ENAH: variants seen among roughly 807,000 people sequenced by gnomAD.
The protein encoded by ENAH is protein enabled homolog.
A neutral mutation model predicts 78.7 loss-of-function variants in ENAH; 23 were observed. That is an observed-to-expected ratio of 0.29 (90% CI 0.21 to 0.41). The LOEUF (loss-of-function observed/expected upper bound fraction) is 0.41. ENAH is among the 10% of genes least tolerant of loss of function. The pLI, the probability that ENAH is intolerant of heterozygous loss-of-function variation, is 1.00. For synonymous variants in ENAH, 226 were observed against 241.0 expected, an observed-to-expected ratio of 0.94 and a Z score of 0.58; for missense variants, 544 against 691.0, an observed-to-expected ratio of 0.79 and a Z score of 2.39.
chr1:225,538,823 C>G (rs1314383351), intron 3 of ENAH, among the ~76,000 whole-genome samples: 1 of 152,160 alleles, frequency 6.6e-6, no homozygotes, highest in East Asian at 1.9e-4. Flanking sequence ...GGCCCTGCCT[C>G]TAGCTAAAGA....
intron 1 of ENAH, among the ~76,000 whole-genome samples, chr1:225,585,337 A>C (rs2096840862): frequency 6.6e-6 from 1 of 152,128 alleles, no homozygotes; most frequent in East Asian, 1.9e-4. Context: ...GAAGTACACA[A>C]AAAAATTTGC....
chr1:225,517,631 A>G (rs1387830839), intron 5 of ENAH: 2 of 1,550,692 alleles, frequency 1.3e-6, no homozygotes, highest in East Asian at 2.4e-5. Context: ...GGGAGGGGCG[A>G]AAAATTGGAA....
At chr1:225,601,391 G>GC (rs1389154482) in intron 1 of ENAH, among the ~76,000 whole-genome samples, 1 of 152,088 alleles carries the variant, frequency 6.6e-6, no homozygotes, top group South Asian at 2.1e-4. Flanking sequence ...GGTGGCGGAC[G>GC]CATGTAGTCC....
At chr1:225,651,602 A>C (rs762787988) in intron 1 of ENAH, among the ~76,000 whole-genome samples, 6 of 152,216 alleles carry the variant, frequency 3.9e-5, no homozygotes, top group Admixed American at 2.0e-4. Flanking sequence ...CTGTAAGACT[A>C]TCTCTTCCAG....
intron 1 of ENAH, among the ~76,000 whole-genome samples, chr1:225,644,835 T>C (rs1661658043): frequency 6.6e-6 from 1 of 152,206 alleles, no homozygotes; most frequent in African/African-American, 2.4e-5. Flanking sequence ...GATTACCTCA[T>C]TCCCCAAAGA....
chr1:225,564,454 ATTT>A (rs71170093), intron 2 of ENAH, among the ~76,000 whole-genome samples: 3 of 122,412 alleles, frequency 2.5e-5, no homozygotes, highest in African/African-American at 3.1e-5. Flanking sequence ...ATGCCCGACT[ATTT>A]TTTTTTTTTT....
chr1:225,636,515 G>A (rs1286167006), intron 1 of ENAH, among the ~76,000 whole-genome samples: 1 of 152,090 alleles, frequency 6.6e-6, no homozygotes, highest in Non-Finnish European at 1.5e-5. Flanking sequence ...TTAAAGTACT[G>A]TCCCAATACC....
chr1:225,639,489 A>G (rs1660633868), intron 1 of ENAH, among the ~76,000 whole-genome samples: 1 of 152,082 alleles, frequency 6.6e-6, no homozygotes, highest in Non-Finnish European at 1.5e-5. Context: ...TACCACAGGA[A>G]TTCAACCCCT....
At chr1:225,542,831 T>C (rs1411799496) in intron 3 of ENAH, among the ~76,000 whole-genome samples, 2 of 151,872 alleles carry the variant, frequency 1.3e-5, no homozygotes, top group African/African-American at 2.4e-5. Context: ...GCCTGAGCAA[T>C]GTAGTAGCAA....
At chr1:225,631,184 A>G (rs1010344798) in intron 1 of ENAH, among the ~76,000 whole-genome samples, 1 of 152,202 alleles carries the variant, frequency 6.6e-6, no homozygotes, top group African/African-American at 2.4e-5. Flanking sequence ...TTTGTTGCAT[A>G]GCAACAAGAT....
At chr1:225,642,536 G>A (rs531701628) in intron 1 of ENAH, among the ~76,000 whole-genome samples, 3 of 152,184 alleles carry the variant, frequency 2.0e-5, no homozygotes, top group African/African-American at 7.2e-5. Context: ...CAGCCAATCC[G>A]TAGCACATCT....
chr1:225,640,251 T>G (rs1660800811), intron 1 of ENAH, among the ~76,000 whole-genome samples: 1 of 152,226 alleles, frequency 6.6e-6, no homozygotes, highest in African/African-American at 2.4e-5. Flanking sequence ...TTCATTCTTC[T>G]TTCATTCTAA....
intron 1 of ENAH, among the ~76,000 whole-genome samples, chr1:225,591,194 C>T (rs900593042): frequency 6.6e-6 from 1 of 152,200 alleles, no homozygotes; most frequent in Non-Finnish European, 1.5e-5. Flanking sequence ...TCAGGCCAGG[C>T]GCGGTGGCTC....
rs57270027 is a variant in ENAH at position 225,550,382 on chromosome 1, T to C, written c.349+4524A>G. ...ACATCAGGCAAGGGACAGGCTTTAT[T>C]TATCATTTTTGTATTATTCCCAGTG... On this transcript the variant is annotated intron_variant, in intron 3 of 13. Coordinates refer to ENST00000366843, the MANE Select transcript of ENAH (RefSeq NM_018212.6). Among the ~76,000 whole-genome samples the C allele has an allele frequency of 3.0e-4, 45 of 152,344 alleles. 2 individuals carry two copies. In the East Asian group the frequency reaches 8.5e-3, roughly 29 times the overall value.
chr1:225,614,136 G>T (rs2097009844), intron 1 of ENAH, among the ~76,000 whole-genome samples: 1 of 150,896 alleles, frequency 6.6e-6, no homozygotes, highest in Admixed American at 6.6e-5. Context: ...TCGGCTCACT[G>T]CAACCTCCAC....
intron 4 of ENAH, among the ~76,000 whole-genome samples, chr1:225,520,742 G>A (rs866293164): frequency 3.9e-5 from 6 of 152,100 alleles, no homozygotes; most frequent in African/African-American, 7.2e-5. Context: ...TGTATTCCCA[G>A]CTACTTGGGA....
At chr1:225,611,809 T>C (rs1219669827) in intron 1 of ENAH, among the ~76,000 whole-genome samples, 3 of 151,964 alleles carry the variant, frequency 2.0e-5, no homozygotes, top group Admixed American at 6.6e-5. Context: ...AACAAGCACA[T>C]GAAGAGATGC....
intron 11 of ENAH, 127 bp from the exon 12 acceptor site, chr1:225,501,197 A>G: frequency 1.5e-6 from 1 of 653,332 alleles, no homozygotes; most frequent in South Asian, 2.8e-5. Context: ...CCATTTTCTT[A>G]AAAAATTATC....
intron 10 of ENAH, chr1:225,508,458 G>A (rs989260955): frequency 6.6e-6 from 1 of 152,276 alleles, no homozygotes; most frequent in African/African-American, 2.4e-5. Flanking sequence ...ATATGTTCAT[G>A]TATTTCAACA....
Sources: gnomAD v4.1 joint callset for allele counts (sites outside exome capture counted in the v4.1 genomes callset) on GRCh38, gnomAD v4.1.1 for gene constraint, MANE v1.5 for transcripts, NCBI Gene and HGNC (gene_info 2026-07-23, HGNC 2026-07-21) for gene names.